SDC1: variants seen among roughly 807,000 people sequenced by gnomAD.
SDC1 encodes the protein syndecan 1, also known as syndecan-1.
In SDC1, 14 loss-of-function variants were observed where a neutral mutation model predicts 29.7. That is an observed-to-expected ratio of 0.47 (90% confidence interval 0.31 to 0.74). SDC1 has a LOEUF of 0.74. Among genes scored for constraint, SDC1 ranks in the 30% least tolerant of loss-of-function variants. The pLI is 0.05. For missense variants in SDC1, 406 were observed against 400.3 expected (o/e 1.01, Z -0.12); for synonymous variants, 204 against 175.5 (o/e 1.16, Z -1.29).
In SDC1 at chr2:20,215,319, C is replaced by T. The variant is rs1273792015; in HGVS notation, c.66+9483G>A. On this transcript the variant is annotated intron_variant, in intron 1 of 4. Transcript: ENST00000254351. ...CTGGCCTCCTCTCCCATCTGCCAGCCCAGCCCATACCTTCTCAGGTCAGGA... is the reference window on the plus strand; with the variant it reads ...CTGGCCTCCTCTCCCATCTGCCAGCTCAGCCCATACCTTCTCAGGTCAGGA... Among the ~76,000 whole-genome samples, 3 of 152,250 alleles carry T rather than the reference C, an allele frequency of 2.0e-5. No homozygotes were observed. In the East Asian group the frequency reaches 5.8e-4, roughly 29 times the overall value.
At chr2:20,215,804 C>T (rs1365198848) in intron 1 of SDC1, among the ~76,000 whole-genome samples, 1 of 152,206 alleles carries the variant, frequency 6.6e-6, no homozygotes, top group Non-Finnish European at 1.5e-5. Context: ...GGCTAGACTC[C>T]GTGTCCTGTG....
At position 20,222,172 on chromosome 2, in the gene SDC1, T is replaced by C. The variant is rs983120902; in HGVS notation, c.66+2630A>G. On this transcript the variant is annotated intron_variant, in intron 1 of 4. Coordinates refer to ENST00000254351, the MANE Select transcript of SDC1 (RefSeq NM_002997.5). ...CTGTTTTAGTCTCTTGGGAGTGGTT[T>C]TGAGCAACCTCCTCTCCTAGCAGCC... Among the ~76,000 whole-genome samples, 5 of 152,280 alleles carry C rather than the reference T, an allele frequency of 3.3e-5. No homozygotes were observed. In the South Asian group the frequency reaches 1.0e-3, roughly 32 times the overall value.
chr2:20,205,035 G>C (rs1017998162), intron 2 of SDC1, among the ~76,000 whole-genome samples: 3 of 152,238 alleles, frequency 2.0e-5, no homozygotes, highest in African/African-American at 7.2e-5. Flanking sequence ...TTCTGAAGGG[G>C]GTTCCAGAGG....
chr2:20,220,811 C>T (rs902409167), intron 1 of SDC1, among the ~76,000 whole-genome samples: 4 of 152,162 alleles, frequency 2.6e-5, no homozygotes, highest in Admixed American at 6.5e-5. Flanking sequence ...GCCTGTCACA[C>T]AGTATGGATG....
At position 20,202,197 on chromosome 2, in the gene SDC1, C is replaced by A. The variant is rs981146916; in HGVS notation, c.*569G>T. The A allele has an allele frequency of 1.4e-6, 1 of 732,436 alleles. No individual in the cohort carries two copies. Among genetic ancestry groups the A allele is most frequent in the African/African-American group, 1.7e-5 (1 of 57,380 alleles). 45.4% of individuals were successfully genotyped at this position (732,436 alleles called of 1,614,324 possible). Reference sequence around the variant, plus strand: ...ATACCGAATCAACTTACTTAACTTACCTCAGAAGTAACAAGGTCTACTGGG... The same window carrying A: ...ATACCGAATCAACTTACTTAACTTAACTCAGAAGTAACAAGGTCTACTGGG... On this transcript the variant is annotated 3_prime_UTR_variant, in exon 5 of 5. Transcript: ENST00000254351.
Position 20,205,383 on chromosome 2 carries a change from G to A in SDC1, c.108C>T (p.Gly36=). 2.5e-6 allele frequency: 4 copies of A among 1,614,136 alleles called. No homozygotes were observed. The highest frequency in any genetic ancestry group is 2.5e-6 in the Non-Finnish European group (3 of 1,179,992). The change falls in exon 2 of 5, where the codon GGC becomes GGT. Residue 36 remains glycine, a synonymous_variant. Coordinates refer to ENST00000254351, the MANE Select transcript of SDC1 (RefSeq NM_002997.5). ...AGAAGTTGTCAGAGTCATCCCCAGA[G>A]CCATCTTGATCTTCAGGGGGCAAAT... ...ATNLPPEDQD[G]SGDDSDNFSG...
chr2:20,210,098 T>A (rs189288552), intron 1 of SDC1, among the ~76,000 whole-genome samples: 8 of 152,364 alleles, frequency 5.3e-5, no homozygotes, highest in Admixed American at 3.9e-4. Flanking sequence ...TCCCAGCACT[T>A]CGGGAGGCCG....
intron 1 of SDC1, among the ~76,000 whole-genome samples, chr2:20,220,794 A>G (rs563857086): frequency 5.3e-5 from 8 of 152,346 alleles, no homozygotes; most frequent in Admixed American, 3.3e-4. Flanking sequence ...ATCCAAAGCC[A>G]TTTCTGGCCT....
chr2:20,225,371 C>G (rs1167451681), upstream of SDC1: 2 of 152,358 alleles, frequency 1.3e-5, no homozygotes, highest in Non-Finnish European at 2.9e-5. Context: ...GTGGTGGGGC[C>G]GAGGCGCACC....
At chr2:20,223,328 C>A (rs1458052227) in intron 1 of SDC1, 1 of 1,281,658 alleles carries the variant, frequency 7.8e-7, no homozygotes, top group Non-Finnish European at 1.0e-6. Flanking sequence ...AGCTACTACA[C>A]GAGGCAACGC....
intron 1 of SDC1, among the ~76,000 whole-genome samples, chr2:20,211,467 T>C (rs542465629): frequency 6.6e-6 from 1 of 152,192 alleles, no homozygotes; most frequent in East Asian, 1.9e-4. Context: ...CTCGCATAGA[T>C]AGCACACCAC....
Position 20,204,372 on chromosome 2 carries a change from G to C in SDC1, c.149-81C>G, listed in dbSNP as rs879718934. 8 of 879,518 alleles carry C rather than the reference G, an allele frequency of 9.1e-6. No individual in the cohort carries two copies. In the South Asian group the frequency reaches 1.2e-4, roughly 13 times the overall value. The allele number at this position is 879,518 out of a possible 1,614,324, so 54.5% of individuals were successfully genotyped here. A position where few individuals can be genotyped will look rare whatever the true frequency, so the allele number is the denominator to read the frequency against. ...GCAGAGTGTGTTGGGTGGGTCGGGGGAGGCTCCAGAGCACCTGGGCTGGCC... is the reference window on the plus strand; with the variant it reads ...GCAGAGTGTGTTGGGTGGGTCGGGGCAGGCTCCAGAGCACCTGGGCTGGCC... On this transcript the variant is annotated intron_variant, in intron 2 of 4. Coordinates refer to ENST00000254351, the MANE Select transcript of SDC1 (RefSeq NM_002997.5).
At chr2:20,221,946 A>G (rs997016543) in intron 1 of SDC1, among the ~76,000 whole-genome samples, 5 of 152,154 alleles carry the variant, frequency 3.3e-5, no homozygotes, top group Admixed American at 1.3e-4. Context: ...CTGTGGGAAA[A>G]TGTCTCTACT....
chr2:20,203,161 C>T lies in SDC1; in HGVS notation c.689G>A (p.Arg230Gln), dbSNP rs762623087. 21 of 1,613,020 alleles carry T rather than the reference C, an allele frequency of 1.3e-5. No individual in the cohort carries two copies. The highest frequency in any genetic ancestry group is 7.7e-5 in the South Asian group (7 of 91,054). Residue 230 changes from arginine (R) to glutamine (Q), a missense_variant, in exon 4 of 5, where the codon CGG (arginine) becomes CAG (glutamine). Coordinates refer to ENST00000254351, the MANE Select transcript of SDC1 (RefSeq NM_002997.5). ...CCCCTGATCCACTGGGGACTGGTTC[C>T]GGCGGTCAGGCTCCACGGCCACTAC... is the stretch of plus-strand genomic sequence containing the variant. ...TAVVAVEPDR[R>Q]NQSPVDQGAT...
At chr2:20,221,587 C>G (rs1309715949) in intron 1 of SDC1, among the ~76,000 whole-genome samples, 1 of 152,146 alleles carries the variant, frequency 6.6e-6, no homozygotes, top group Non-Finnish European at 1.5e-5. Context: ...AGTAAGAATA[C>G]TCGAGGGTAA....
At chr2:20,223,161 G>T in intron 1 of SDC1, 1 of 946,400 alleles carries the variant, frequency 1.1e-6, no homozygotes, top group Non-Finnish European at 1.5e-6. Flanking sequence ...ATAGGCACAG[G>T]GACCTCTCCT....
chr2:20,220,363 G>GCA (rs140331742), intron 1 of SDC1, among the ~76,000 whole-genome samples: 64 of 151,560 alleles, frequency 4.2e-4, no homozygotes, highest in South Asian at 1.0e-3. Flanking sequence ...ATACACATGC[G>GCA]CACACACACA....
chr2:20,207,344 T>C lies in SDC1; in HGVS notation c.67-1920A>G, dbSNP rs1034119536. 5.4e-6 allele frequency: 5 copies of C among 933,730 alleles called. No individual in the cohort carries two copies. In the Admixed American group the frequency reaches 2.5e-4, roughly 46 times the overall value. The allele number at this position is 933,730 out of a possible 1,614,324, so 57.8% of individuals were successfully genotyped here. On this transcript the variant is annotated intron_variant, in intron 1 of 4. Transcript: ENST00000254351. ...CCCTAGAAGGGCAATTCATAGCCCA[T>C]CTACAGTAACAAGTCACATTCCGCC...
chr2:20,206,453 T>G (rs1677275560), intron 1 of SDC1, among the ~76,000 whole-genome samples: 1 of 151,994 alleles, frequency 6.6e-6, no homozygotes, highest in South Asian at 2.1e-4. Flanking sequence ...GGGCAGAAAG[T>G]CAGGACTGCC....
Sources: allele counts gnomAD v4.1 joint callset (sites outside exome capture counted in the v4.1 genomes callset), GRCh38; gene constraint gnomAD v4.1.1; transcripts MANE v1.5; gene names NCBI Gene and HGNC (gene_info 2026-07-23, HGNC 2026-07-21).